The following CCDC33 variants were observed in gnomAD, a reference collection of about 807,000 sequenced individuals.
The protein encoded by CCDC33 is coiled-coil domain containing 33, also known as coiled-coil domain-containing protein 33.
In CCDC33, 94 loss-of-function variants were observed where a neutral mutation model predicts 91.9. The observed-to-expected ratio is 1.02, with a 90% CI of 0.87 to 1.21. CCDC33 has a LOEUF of 1.21. Ranked by LOEUF, CCDC33 falls within the 50% of genes most tolerant of loss-of-function variation. The probability of loss-of-function intolerance (pLI) is 0.00; values close to 1 mark genes in which losing one functional copy is unlikely to be tolerated. For missense variants in CCDC33, 940 were observed against 935.5 expected (o/e 1.00, Z -0.06); for synonymous variants, 396 against 374.5 (o/e 1.06, Z -0.66).
Position 74,241,288 on chromosome 15 carries a change from C to T in CCDC33, c.22-2697C>T, listed in dbSNP as rs564179888. Reference sequence around the variant, plus strand: ...TGATCTGGGGGGCATGTATTCTCACCTCCTAATTAGCCATCTTGCTAGGCA... The same window carrying T: ...TGATCTGGGGGGCATGTATTCTCACTTCCTAATTAGCCATCTTGCTAGGCA... On this transcript the variant is annotated intron_variant, in intron 1 of 18. Coordinates refer to ENST00000398814, the MANE Select transcript of CCDC33 (RefSeq NM_025055.5). Among the ~76,000 whole-genome samples the T allele has an allele frequency of 1.1e-4, 17 of 152,298 alleles. No individual in the cohort carries two copies. In the South Asian group the frequency reaches 3.5e-3, roughly 32 times the overall value.
At chr15:74,221,477 G>A in intron 2 of CCDC33, 1 of 196,466 alleles carries the variant, frequency 5.1e-6, no homozygotes. Context: ...GCCAATGCTG[G>A]TCACAGCATT....
intron 11 of CCDC33, among the ~76,000 whole-genome samples, chr15:74,299,302 C>G (rs1489008090): frequency 6.6e-6 from 1 of 152,216 alleles, no homozygotes; most frequent in African/African-American, 2.4e-5. Flanking sequence ...TAAGGACTGG[C>G]TGCTAGCCCT....
chr15:74,236,938 G>A (rs1285759357), intron 1 of CCDC33, among the ~76,000 whole-genome samples, 198 bp downstream of exon 1: 1 of 152,336 alleles, frequency 6.6e-6, no homozygotes. Flanking sequence ...TGGGCCACAC[G>A]GGAACTGGAA....
At chr15:74,303,003 G>GACCC (rs2059824114) in intron 11 of CCDC33, 1 of 152,210 alleles carries the variant, frequency 6.6e-6, no homozygotes, top group African/African-American at 2.4e-5. Flanking sequence ...CCTGCCCCCA[G>GACCC]ACCCACACCC....
intron 2 of CCDC33, among the ~76,000 whole-genome samples, chr15:74,224,515 C>T (rs745709715): frequency 6.6e-6 from 1 of 152,164 alleles, no homozygotes; most frequent in Non-Finnish European, 1.5e-5. Flanking sequence ...GTGCCTGGAA[C>T]TCAGCAGAGT....
At chr15:74,249,650 C>T (rs567146350) in intron 2 of CCDC33, among the ~76,000 whole-genome samples, 1 of 151,974 alleles carries the variant, frequency 6.6e-6, no homozygotes, top group African/African-American at 2.4e-5. Context: ...AAACTGTGAC[C>T]CCGCAGTATT....
chr15:74,267,981 A>G (rs967377337), intron 4 of CCDC33, among the ~76,000 whole-genome samples: 6 of 152,182 alleles, frequency 3.9e-5, no homozygotes, highest in Admixed American at 2.0e-4. Flanking sequence ...GCAGGGAAGT[A>G]AAAGAGAGAT....
chr15:74,211,772 T>G (rs1484080093), intron 2 of CCDC33, among the ~76,000 whole-genome samples: 1 of 152,130 alleles, frequency 6.6e-6, no homozygotes, highest in Non-Finnish European at 1.5e-5. Flanking sequence ...TCTCTCTGCC[T>G]GTCCCTGGTA....
At chr15:74,333,633 A>T (rs1341830094) in intron 16 of CCDC33, among the ~76,000 whole-genome samples, 9 of 152,136 alleles carry the variant, frequency 5.9e-5, no homozygotes, top group Non-Finnish European at 8.8e-5. Context: ...ATTTTACATT[A>T]AAAAAAATGT....
At chr15:74,288,171 C>T (rs1309135669) in intron 10 of CCDC33, among the ~76,000 whole-genome samples, 1 of 152,132 alleles carries the variant, frequency 6.6e-6, no homozygotes, top group African/African-American at 2.4e-5. Flanking sequence ...CCTCTACTAG[C>T]TCCCTTCTAA....
intron 3 of CCDC33, among the ~76,000 whole-genome samples, chr15:74,264,536 C>A (rs1306126643): frequency 1.3e-5 from 2 of 152,158 alleles, no homozygotes; most frequent in Non-Finnish European, 2.9e-5. Context: ...ACCTCTCGTT[C>A]AACCTTGGCA....
intron 2 of CCDC33, among the ~76,000 whole-genome samples, chr15:74,256,215 G>A (rs934201263): frequency 2.6e-5 from 4 of 152,154 alleles, no homozygotes; most frequent in African/African-American, 7.2e-5. Flanking sequence ...CTAGGGTATC[G>A]GAGCCCCTCA....
In CCDC33 at chr15:74,242,038, C is replaced by G. The variant is rs990132450; in HGVS notation, c.22-1947C>G. On this transcript the variant is annotated intron_variant, in intron 1 of 18. Transcript: ENST00000398814. ...GGGGTGTGTGGCTCCGATTGGTGGG[C>G]ACCCCACGCTACCGTGAGAAATGGA... Among the ~76,000 whole-genome samples the G allele has an allele frequency of 9.8e-5, 15 of 152,320 alleles. No homozygotes were observed. The East Asian group carries it at 2.9e-3, about 29-fold the overall frequency.
intron 10 of CCDC33, among the ~76,000 whole-genome samples, chr15:74,283,964 CAG>C (rs1566998465): frequency 6.6e-6 from 1 of 152,238 alleles, no homozygotes; most frequent in African/African-American, 2.4e-5. Context: ...AACTGACACA[CAG>C]ATGTTTTCAC....
chr15:74,215,120 C>T (rs2074406103), upstream of CCDC33, among the ~76,000 whole-genome samples: 1 of 152,102 alleles, frequency 6.6e-6, no homozygotes, highest in African/African-American at 2.4e-5. Flanking sequence ...GGCTTTTAGC[C>T]AGTCTGCAGG....
chr15:74,295,250 G>A (rs2059662410), intron 10 of CCDC33, among the ~76,000 whole-genome samples: 1 of 152,174 alleles, frequency 6.6e-6, no homozygotes, highest in Admixed American at 6.5e-5. Context: ...TGCTGACATG[G>A]GACTCACATC....
chr15:74,273,985 C>A (rs2076388445), intron 7 of CCDC33, among the ~76,000 whole-genome samples: 1 of 152,126 alleles, frequency 6.6e-6, no homozygotes, highest in African/African-American at 2.4e-5. Flanking sequence ...GCACCCGCCA[C>A]CATGCCCGGC....
chr15:74,207,175 T>C (rs2142110296), intron 1 of CCDC33, among the ~76,000 whole-genome samples: 1 of 152,286 alleles, frequency 6.6e-6, no homozygotes, highest in African/African-American at 2.4e-5. Context: ...CGGGAGCCTG[T>C]GATTATCAAA....
intron 10 of CCDC33, 23 bp downstream of exon 10, chr15:74,281,872 G>A (rs780389175): frequency 1.1e-5 from 18 of 1,606,006 alleles, no homozygotes; most frequent in African/African-American, 2.7e-5. Context: ...GCCAGGGGAG[G>A]GTCAGGGCCA....
Sources: gnomAD v4.1 joint callset for allele counts (sites outside exome capture counted in the v4.1 genomes callset) on GRCh38, gnomAD v4.1.1 for gene constraint, MANE v1.5 for transcripts, NCBI Gene and HGNC (gene_info 2026-07-23, HGNC 2026-07-21) for gene names.